CBFB: variants seen among roughly 807,000 people sequenced by gnomAD.
The protein encoded by CBFB is core-binding factor subunit beta, also known as CBF-beta.
In CBFB, 9 loss-of-function variants were observed where a neutral mutation model predicts 30.4. That is an observed-to-expected ratio of 0.30 (90% CI 0.18 to 0.52). CBFB has a LOEUF of 0.52. Among genes scored for constraint, CBFB ranks in the 20% least tolerant of loss-of-function variants. The probability of loss-of-function intolerance (pLI) is 0.97; values close to 1 mark genes in which losing one functional copy is unlikely to be tolerated. For synonymous variants in CBFB, 94 were observed against 84.0 expected (o/e 1.12, Z -0.65); for missense variants, 170 against 244.0 (o/e 0.70, Z 2.02).
At chr16:67,044,524 A>T (rs1966589206) in intron 3 of CBFB, among the ~76,000 whole-genome samples, 1 of 151,914 alleles carries the variant, frequency 6.6e-6, no homozygotes, top group South Asian at 2.1e-4. Flanking sequence ...GATAAGTTGT[A>T]TTTTTTTTCT....
intron 4 of CBFB, among the ~76,000 whole-genome samples, chr16:67,080,565 C>T (rs529443820): frequency 3.3e-5 from 5 of 152,128 alleles, no homozygotes. Flanking sequence ...GCAATGAGTC[C>T]TGAGGTATCT....
At chr16:67,064,729 C>G (rs1961005258) in intron 3 of CBFB, among the ~76,000 whole-genome samples, 1 of 151,946 alleles carries the variant, frequency 6.6e-6, no homozygotes, top group Admixed American at 6.6e-5. Flanking sequence ...CAAAAATGAT[C>G]TAAATTTGGG....
intron 2 of CBFB, among the ~76,000 whole-genome samples, chr16:67,033,941 G>T (rs555134010): frequency 6.7e-6 from 1 of 149,742 alleles, no homozygotes; most frequent in Non-Finnish European, 1.5e-5. Flanking sequence ...CGATTCTCCT[G>T]CCTCAGCCTC....
At chr16:67,035,564 A>G (rs1966429248) in intron 2 of CBFB, among the ~76,000 whole-genome samples, 1 of 152,234 alleles carries the variant, frequency 6.6e-6, no homozygotes, top group African/African-American at 2.4e-5. Flanking sequence ...AATAGGAAGT[A>G]TAATTTTTAC....
At chr16:67,056,286 T>C (rs1246472406) in intron 3 of CBFB, among the ~76,000 whole-genome samples, 1 of 152,184 alleles carries the variant, frequency 6.6e-6, no homozygotes, top group African/African-American at 2.4e-5. Flanking sequence ...CCTTCAGTCA[T>C]GAGTTACAGT....
rs1240164789 is a variant in CBFB, at chr16:67,100,174, G to A, written c.*1396G>A. ...AATGTTACTACATTTCTGAATTTTTGAAAAATGTATTTTATCATTAAATGG... is the reference window on the plus strand; with the variant it reads ...AATGTTACTACATTTCTGAATTTTTAAAAAATGTATTTTATCATTAAATGG... On this transcript the variant is annotated 3_prime_UTR_variant, in exon 6 of 6. Transcript: ENST00000412916. The A allele has an allele frequency of 9.5e-6, 2 of 210,456 alleles. No individual in the cohort carries two copies. Among genetic ancestry groups the A allele is most frequent in the Non-Finnish European group, 1.9e-5 (2 of 103,744 alleles). 13.0% of individuals were successfully genotyped at this position (210,456 alleles called of 1,614,324 possible).
intron 5 of CBFB, among the ~76,000 whole-genome samples, chr16:67,092,087 T>G (rs959661669): frequency 6.6e-6 from 1 of 151,774 alleles, no homozygotes; most frequent in Non-Finnish European, 1.5e-5. Flanking sequence ...CAGGCCCCTG[T>G]GTGTGACATT....
In CBFB at chr16:67,100,113, C is replaced by G. The variant is rs1962175222; in HGVS notation, c.*1335C>G. 4.7e-6 allele frequency: 1 copy of G among 212,542 alleles called. No homozygotes were observed. The highest frequency in any genetic ancestry group is 5.9e-5 in the Admixed American group (1 of 17,030). The allele number at this position is 212,542 out of a possible 1,614,324, so 13.2% of individuals were successfully genotyped here. A position where few individuals can be genotyped will look rare whatever the true frequency, so the allele number is the denominator to read the frequency against. On this transcript the variant is annotated 3_prime_UTR_variant, in exon 6 of 6. Transcript: ENST00000412916. The stretch of plus-strand genomic sequence containing the variant: ...GAAAACAGTGCTAAGTCATTTGGCA[C>G]CTCCTTACAAATATTTTTCATGGTC...
At chr16:67,072,646 A>G (rs148980718) in intron 4 of CBFB, among the ~76,000 whole-genome samples, 3,151 of 150,920 alleles carry the variant, frequency 0.021, 98 homozygotes, top group African/African-American at 0.072. Flanking sequence ...TTGTATTTTT[A>G]GTAGAGACGG....
Position 67,029,446 on chromosome 16 carries a change from G to A in CBFB, c.39G>A (p.Glu13=), listed in dbSNP as rs766211689. The change falls in exon 1 of 6, where the codon GAG becomes GAA. Residue 13 remains glutamate, a synonymous_variant. Transcript: ENST00000412916. ...RVVPDQRSKF[E]NEEFFRKLSR... The stretch of plus-strand genomic sequence containing the variant: ...TGCCCGACCAGAGAAGCAAGTTCGA[G>A]AACGAGGAGTTTTTTAGGAAGCTGA... 3.1e-6 allele frequency: 5 copies of A among 1,591,030 alleles called. No homozygotes were observed. Among genetic ancestry groups the A allele is most frequent in the African/African-American group, 2.8e-5 (2 of 72,402 alleles).
rs554036799 is a variant in CBFB at position 67,090,326 on chromosome 16, G to A, written c.495+8018G>A. ...TTAAAAATAAAAAATAATCACAGAC[G>A]TTACTTTTGTGAAATGCTCTCCATT... On this transcript the variant is annotated intron_variant, in intron 5 of 5. Transcript: ENST00000412916. Among the ~76,000 whole-genome samples, 9 of 152,234 alleles carry A rather than the reference G, an allele frequency of 5.9e-5. No individual in the cohort carries two copies. In the South Asian group the frequency reaches 1.2e-3, roughly 21 times the overall value.
chr16:67,092,857 T>C (rs576740508), intron 5 of CBFB, among the ~76,000 whole-genome samples: 1 of 151,530 alleles, frequency 6.6e-6, no homozygotes, highest in East Asian at 1.9e-4. Flanking sequence ...GGATTACAGG[T>C]ATGCACCACC....
At chr16:67,065,950 G>A (rs1016211106) in intron 3 of CBFB, among the ~76,000 whole-genome samples, 4 of 152,084 alleles carry the variant, frequency 2.6e-5, no homozygotes, top group Admixed American at 6.5e-5. Context: ...GTTTTGTTCC[G>A]AATTATTTAT....
chr16:67,088,392 CATT>C (rs768661635), intron 5 of CBFB, among the ~76,000 whole-genome samples: 35 of 152,242 alleles, frequency 2.3e-4, no homozygotes, highest in Non-Finnish European at 3.7e-4. Context: ...TCTAATCTAA[CATT>C]ATTACAGTTG....
At chr16:67,096,292 CAG>C (rs1343982963) in intron 5 of CBFB, among the ~76,000 whole-genome samples, 1 of 151,198 alleles carries the variant, frequency 6.6e-6, no homozygotes, top group African/African-American at 2.4e-5. Flanking sequence ...GCCTGGAAAA[CAG>C]AGCAAGACTC....
At position 67,100,476 on chromosome 16, in the gene CBFB, A is replaced by G. The variant is rs1962188213; in HGVS notation, c.*1698A>G. Reference sequence around the variant, plus strand: ...ATGCTGATCTTGCATAACTATAAGTACTATGAATGAATTTGGTTGGTTTTG... The same window carrying G: ...ATGCTGATCTTGCATAACTATAAGTGCTATGAATGAATTTGGTTGGTTTTG... On this transcript the variant is annotated 3_prime_UTR_variant, in exon 6 of 6. Coordinates refer to ENST00000412916, the MANE Select transcript of CBFB (RefSeq NM_022845.3). 4.4e-6 allele frequency: 1 copy of G among 227,698 alleles called. No homozygotes were observed. Among genetic ancestry groups the G allele is most frequent in the Non-Finnish European group, 8.7e-6 (1 of 114,354 alleles). 14.1% of individuals were successfully genotyped at this position (227,698 alleles called of 1,614,324 possible).
At chr16:67,045,772 C>G (rs1231565526) in intron 3 of CBFB, among the ~76,000 whole-genome samples, 1 of 151,354 alleles carries the variant, frequency 6.6e-6, no homozygotes, top group East Asian at 1.9e-4. Context: ...CTTCACTCTT[C>G]CCCTCCTTCC....
intron 4 of CBFB, among the ~76,000 whole-genome samples, chr16:67,081,790 C>T (rs1961563398): frequency 4.6e-5 from 7 of 151,870 alleles, no homozygotes; most frequent in Admixed American, 4.6e-4. Context: ...CACTTGTACT[C>T]CAGCCTGAGT....
intron 3 of CBFB, among the ~76,000 whole-genome samples, chr16:67,046,182 C>T (rs1243370639): frequency 6.6e-6 from 1 of 152,102 alleles, no homozygotes; most frequent in Non-Finnish European, 1.5e-5. Flanking sequence ...TCTTGGCTTA[C>T]TGCAACCTCT....
Sources: allele counts gnomAD v4.1 joint callset (sites outside exome capture counted in the v4.1 genomes callset), GRCh38; gene constraint gnomAD v4.1.1; transcripts MANE v1.5; gene names NCBI Gene and HGNC (gene_info 2026-07-23, HGNC 2026-07-21).